Variants in AGBL4 observed in about 807,000 individuals in gnomAD.
The protein encoded by AGBL4 is AGBL carboxypeptidase 4.
AGBL4 carries 58 observed loss-of-function variants against 66.4 expected under a neutral mutation model. The observed-to-expected ratio is 0.87, with a 90% CI of 0.71 to 1.09. The LOEUF (loss-of-function observed/expected upper bound fraction) is 1.09, where lower values mean the gene tolerates loss of function less well. Among genes scored for constraint, AGBL4 ranks in the 50% least tolerant of loss-of-function variants. The pLI is 0.00. For missense variants in AGBL4, 579 were observed against 631.0 expected (o/e 0.92, Z 0.88); for synonymous variants, 234 against 222.9 (o/e 1.05, Z -0.44).
At chr1:49,769,507 A>C (rs2147879633) in intron 2 of AGBL4, among the ~76,000 whole-genome samples, 1 of 152,346 alleles carries the variant, frequency 6.6e-6, no homozygotes, top group Non-Finnish European at 1.5e-5. Context: ...TGAATAGCCA[A>C]GCAATTCTAA....
intron 3 of AGBL4, among the ~76,000 whole-genome samples, chr1:49,476,348 T>C (rs1193071680): frequency 2.0e-5 from 3 of 152,066 alleles, no homozygotes; most frequent in Admixed American, 6.6e-5. Context: ...TCTTAGAGTA[T>C]GTTCCATGTG....
At chr1:48,616,732 C>T (rs912533472) in intron 9 of AGBL4, among the ~76,000 whole-genome samples, 1 of 152,194 alleles carries the variant, frequency 6.6e-6, no homozygotes, top group Non-Finnish European at 1.5e-5. Context: ...GGGAGTAGAA[C>T]CCAAAGCTTC....
chr1:48,547,064 G>A (rs1476319171), intron 11 of AGBL4, among the ~76,000 whole-genome samples: 1 of 152,050 alleles, frequency 6.6e-6, no homozygotes, highest in Non-Finnish European at 1.5e-5. Flanking sequence ...AAGGGTCCTC[G>A]GGTGAGAGAC....
intron 5 of AGBL4, among the ~76,000 whole-genome samples, chr1:48,893,911 T>C (rs1477711324): frequency 2.6e-5 from 4 of 152,148 alleles, no homozygotes; most frequent in African/African-American, 9.7e-5. Context: ...TATGGTACTT[T>C]GTTATGGCAG....
chr1:48,776,780 C>G, intron 6 of AGBL4: 1 of 1,523,692 alleles, frequency 6.6e-7, no homozygotes, highest in Non-Finnish European at 8.8e-7. Flanking sequence ...ACGCACGACA[C>G]GGGCAGCGCG....
intron 4 of AGBL4, among the ~76,000 whole-genome samples, chr1:49,082,891 T>C (rs571453490): frequency 1.3e-5 from 2 of 152,334 alleles, no homozygotes; most frequent in African/African-American, 2.4e-5. Context: ...GGTACAGGCA[T>C]TGGGTAAATA....
intron 2 of AGBL4, chr1:49,845,837 G>A (rs1236967359): frequency 2.0e-6 from 3 of 1,488,650 alleles, no homozygotes; most frequent in Admixed American, 3.4e-5. Flanking sequence ...CCGTTCGACT[G>A]CAGTCAGTGT....
At chr1:49,412,766 G>A (rs1645343142) in intron 3 of AGBL4, among the ~76,000 whole-genome samples, 1 of 152,152 alleles carries the variant, frequency 6.6e-6, no homozygotes, top group Non-Finnish European at 1.5e-5. Context: ...ATGAATTAAA[G>A]AGTATAAATG....
chr1:48,668,890 T>C (rs548492460), intron 6 of AGBL4, among the ~76,000 whole-genome samples: 6 of 152,352 alleles, frequency 3.9e-5, no homozygotes, highest in African/African-American at 1.4e-4. Flanking sequence ...GAGATATCAA[T>C]AGAGCTTTCC....
intron 3 of AGBL4, among the ~76,000 whole-genome samples, chr1:49,307,335 A>G (rs1644865257): frequency 6.6e-6 from 1 of 152,136 alleles, no homozygotes; most frequent in African/African-American, 2.4e-5. Flanking sequence ...AAAAACAAAA[A>G]CAAAAACAAA....
chr1:49,402,550 AT>A (rs1245819304), intron 3 of AGBL4, among the ~76,000 whole-genome samples: 4 of 144,774 alleles, frequency 2.8e-5, no homozygotes, highest in Admixed American at 1.4e-4. Context: ...GCTTGATATT[AT>A]TTCAATATTT....
chr1:49,250,311 G>A (rs2148335858), intron 3 of AGBL4, among the ~76,000 whole-genome samples: 1 of 152,226 alleles, frequency 6.6e-6, no homozygotes, highest in Admixed American at 6.5e-5. Flanking sequence ...TCCCATGGAG[G>A]GACTAAGATG....
intron 2 of AGBL4, chr1:49,845,918 A>G: frequency 6.9e-7 from 1 of 1,456,350 alleles, no homozygotes; most frequent in East Asian, 2.3e-5. Flanking sequence ...GAAGCCCTAC[A>G]AATGCAATGA....
intron 2 of AGBL4, among the ~76,000 whole-genome samples, chr1:49,766,863 T>C (rs1652768029): frequency 6.6e-6 from 1 of 151,806 alleles, no homozygotes; most frequent in South Asian, 2.1e-4. Flanking sequence ...AAAAAGGCAC[T>C]ATGTAATTTA....
At chr1:48,892,933 A>T (rs1250994534) in intron 5 of AGBL4, among the ~76,000 whole-genome samples, 4 of 152,190 alleles carry the variant, frequency 2.6e-5, no homozygotes, top group Non-Finnish European at 4.4e-5. Context: ...CCAGGGGTTC[A>T]GACTTTAATA....
intron 2 of AGBL4, among the ~76,000 whole-genome samples, chr1:49,800,154 T>C (rs945503177): frequency 6.6e-6 from 1 of 152,174 alleles, no homozygotes; most frequent in Non-Finnish European, 1.5e-5. Context: ...TACACCTTTA[T>C]GTGATTTCCT....
Position 49,269,433 on chromosome 1 carries a change from G to A in AGBL4, c.283-23569C>T, listed in dbSNP as rs377636534. On this transcript the variant is annotated intron_variant, in intron 3 of 13. Transcript: ENST00000371839. ...AACCCTGTAAAGCTGTATTTTGTGT[G>A]GGAAATCTGTGTCTGCAGAGAATTT... is the stretch of plus-strand genomic sequence containing the variant. 163 of 152,288 alleles carry A rather than the reference G, an allele frequency of 1.1e-3. 1 individual carries two copies. The highest frequency in any genetic ancestry group is 3.8e-3 in the African/African-American group (157 of 41,564). The allele number at this position is 152,288 out of a possible 1,614,324, so 9.4% of individuals were successfully genotyped here. A position where few individuals can be genotyped will look rare whatever the true frequency, so the allele number is the denominator to read the frequency against.
intron 1 of AGBL4, among the ~76,000 whole-genome samples, chr1:49,897,815 A>G (rs1649374445): frequency 6.6e-6 from 1 of 152,092 alleles, no homozygotes; most frequent in South Asian, 2.1e-4. Context: ...AAATAAATCC[A>G]TACATCTACA....
intron 4 of AGBL4, among the ~76,000 whole-genome samples, chr1:49,128,760 T>G (rs901840247): frequency 1.3e-5 from 2 of 151,948 alleles, no homozygotes; most frequent in Non-Finnish European, 2.9e-5. Flanking sequence ...AACTGTAAAA[T>G]TTCTGGAAGA....
Sources: allele counts gnomAD v4.1 joint callset (sites outside exome capture counted in the v4.1 genomes callset), GRCh38; gene constraint gnomAD v4.1.1; transcripts MANE v1.5; gene names NCBI Gene and HGNC (gene_info 2026-07-23, HGNC 2026-07-21).